CHMP5: variants seen among roughly 807,000 people sequenced by gnomAD.
CHMP5 encodes the protein SNF7 domain containing 2.
A neutral mutation model predicts 33.0 loss-of-function variants in CHMP5; 17 were observed. The observed-to-expected ratio is 0.52, with a 90% CI of 0.35 to 0.77. CHMP5 has a LOEUF of 0.77. Ranked by LOEUF, CHMP5 falls within the 30% of genes least tolerant of loss-of-function variation. The pLI is 0.01. For synonymous variants in CHMP5, 76 were observed against 90.2 expected (o/e 0.84, Z 0.89); for missense variants, 216 against 261.5 (o/e 0.83, Z 1.20).
At chr9:33,280,517 C>T (rs1006151543) in intron 7 of CHMP5, among the ~76,000 whole-genome samples, 2 of 152,174 alleles carry the variant, frequency 1.3e-5, no homozygotes, top group South Asian at 2.1e-4. Flanking sequence ...CTTTTTGACT[C>T]TCCCAGCCTC....
intron 5 of CHMP5, among the ~76,000 whole-genome samples, chr9:33,276,186 T>G (rs547220592): frequency 5.3e-5 from 8 of 152,282 alleles, no homozygotes; most frequent in African/African-American, 1.9e-4. Context: ...CTCTCATACT[T>G]TTAATTAGAA....
intron 1 of CHMP5, 111 bp from the exon 2 acceptor site, chr9:33,265,899 C>T: frequency 1.6e-6 from 1 of 613,770 alleles, no homozygotes; most frequent in Non-Finnish European, 2.9e-6. Flanking sequence ...TGTTTTTCAC[C>T]CTTCCCCTTA....
chr9:33,268,163 G>A (rs959900490), intron 3 of CHMP5, among the ~76,000 whole-genome samples: 4 of 152,236 alleles, frequency 2.6e-5, no homozygotes, highest in Non-Finnish European at 4.4e-5. Flanking sequence ...TTGAGCACTT[G>A]AAATGTGGCT....
intron 7 of CHMP5, among the ~76,000 whole-genome samples, chr9:33,280,357 T>C (rs1331711702): frequency 1.3e-5 from 2 of 152,232 alleles, no homozygotes; most frequent in South Asian, 2.1e-4. Flanking sequence ...TTGATAGTGA[T>C]GTCGCTGCCT....
At chr9:33,265,520 G>C (rs1820703707) in intron 1 of CHMP5, among the ~76,000 whole-genome samples, 1 of 152,040 alleles carries the variant, frequency 6.6e-6, no homozygotes, top group South Asian at 2.1e-4. Context: ...TCCACATCAG[G>C]ACTCAGCTTG....
At chr9:33,272,757 G>A (rs969490004) in intron 5 of CHMP5, among the ~76,000 whole-genome samples, 6 of 151,830 alleles carry the variant, frequency 4.0e-5, no homozygotes, top group Admixed American at 6.6e-5. Flanking sequence ...CCAAGATTGC[G>A]CCACTGCACT....
chr9:33,280,899 A>G lies in CHMP5; in HGVS notation c.*40A>G. The G allele has an allele frequency of 1.3e-6, 2 of 1,506,706 alleles. No homozygotes were observed. The highest frequency in any genetic ancestry group is 1.2e-5 in the South Asian group (1 of 82,694). 93.3% of individuals were successfully genotyped at this position (1,506,706 alleles called of 1,614,324 possible). A position where few individuals can be genotyped will look rare whatever the true frequency, so the allele number is the denominator to read the frequency against. ...AGCATATCTTGTAAAACAAACACAT[A>G]TTATGGGACTAGGAAATATTTATCT... On this transcript the variant is annotated 3_prime_UTR_variant, in exon 8 of 8. Transcript: ENST00000223500.
At position 33,266,006 on chromosome 9, in the gene CHMP5, T is replaced by G. The variant is rs1012496077; in HGVS notation, c.70-4T>G. Reference sequence around the variant, plus strand: ...TACCAGTGCATTTGATATTTTCCCCTAAGGTGGACAGTAGAGCAGAATCCA... The same window carrying G: ...TACCAGTGCATTTGATATTTTCCCCGAAGGTGGACAGTAGAGCAGAATCCA... On this transcript the variant is annotated splice_region_variant and splice_polypyrimidine_tract_variant and intron_variant, in intron 1 of 7. Coordinates refer to ENST00000223500, the MANE Select transcript of CHMP5 (RefSeq NM_016410.6). 1.2e-6 allele frequency: 2 copies of G among 1,601,568 alleles called. No individual in the cohort carries two copies. The highest frequency in any genetic ancestry group is 3.3e-5 in the Admixed American group (2 of 59,934).
intron 5 of CHMP5, among the ~76,000 whole-genome samples, chr9:33,273,081 T>C (rs1179669156): frequency 6.6e-6 from 1 of 152,146 alleles, no homozygotes; most frequent in African/African-American, 2.4e-5. Context: ...GCAATTCTCC[T>C]GCCTCAGCCT....
Position 33,278,169 on chromosome 9 carries a change from G to A in CHMP5, c.553G>A (p.Glu185Lys), listed in dbSNP as rs1159274829. The change falls in exon 7 of 8, where the codon GAG (glutamate) becomes AAG (lysine). Residue 185 changes from glutamate (E) to lysine (K), a missense_variant. Physicochemically the swap from Glu to Lys is moderately conservative, Grantham distance 56. Coordinates refer to ENST00000223500, the MANE Select transcript of CHMP5 (RefSeq NM_016410.6). Reference sequence around the variant, plus strand: ...TGATGAAGACAGTTCTTATTTGGATGAGGCAGCATCTGCACCTGCAATTCC... The same window carrying A: ...TGATGAAGACAGTTCTTATTTGGATAAGGCAGCATCTGCACCTGCAATTCC... ...LADEDSSYLD[E>K]AASAPAIPEG... The A allele has an allele frequency of 6.2e-7, 1 of 1,613,602 alleles. No homozygotes were observed. The highest frequency in any genetic ancestry group is 1.1e-5 in the South Asian group (1 of 90,974).
rs377091208 is a variant in CHMP5 at position 33,276,452 on chromosome 9, G to A, written c.388-4G>A. The A allele has an allele frequency of 4.2e-5, 64 of 1,536,300 alleles. 1 individual carries two copies. The South Asian group carries it at 5.9e-4, about 14-fold the overall frequency. Reference sequence around the variant, plus strand: ...AGAAAATCCTCTCATATATATTTCCGTAGGATTTACAAGACCAGCTAGAGG... The same window carrying A: ...AGAAAATCCTCTCATATATATTTCCATAGGATTTACAAGACCAGCTAGAGG... On this transcript the variant is annotated splice_region_variant and splice_polypyrimidine_tract_variant and intron_variant, in intron 5 of 7. Coordinates refer to ENST00000223500, the MANE Select transcript of CHMP5 (RefSeq NM_016410.6).
chr9:33,278,332 A>T (rs1313103985), intron 7 of CHMP5, 107 bp downstream of exon 7: 1 of 705,184 alleles, frequency 1.4e-6, no homozygotes, highest in East Asian at 2.8e-5. Flanking sequence ...ACAAAGAAAG[A>T]CAGTCCTGGT....
At chr9:33,276,308 G>T (rs1331621619) in intron 5 of CHMP5, 148 bp from the exon 6 acceptor site, 5 of 557,820 alleles carry the variant, frequency 9.0e-6, no homozygotes, top group East Asian at 3.0e-5. Flanking sequence ...ACTAACAGTT[G>T]TTGAGAACTG....
At chr9:33,275,285 G>A (rs555588603) in intron 5 of CHMP5, among the ~76,000 whole-genome samples, 29 of 152,302 alleles carry the variant, frequency 1.9e-4, no homozygotes, top group Admixed American at 5.9e-4. Context: ...AATCCCTTGC[G>A]TGTACCAAGG....
intron 5 of CHMP5, 21 bp from the exon 6 acceptor site, chr9:33,276,432 ATCC>A (rs770398762): frequency 7.6e-7 from 1 of 1,311,880 alleles, no homozygotes; most frequent in African/African-American, 1.5e-5. Context: ...ATGAGAGAAA[ATCC>A]TCTCATATAT....
chr9:33,272,472 C>T (rs1820806181), intron 5 of CHMP5, among the ~76,000 whole-genome samples: 1 of 151,766 alleles, frequency 6.6e-6, no homozygotes, highest in Admixed American at 6.6e-5. Context: ...ATTTTATTGC[C>T]TCTGCAAAGA....
At chr9:33,269,178 A>G (rs1417077035) in intron 3 of CHMP5, among the ~76,000 whole-genome samples, 1 of 152,244 alleles carries the variant, frequency 6.6e-6, no homozygotes, top group Admixed American at 6.5e-5. Context: ...ACATTAGGTC[A>G]GATGGATTAC....
intron 7 of CHMP5, 151 bp from the exon 8 acceptor site, chr9:33,280,658 A>T (rs1820911179): frequency 1.7e-6 from 1 of 598,482 alleles, no homozygotes; most frequent in Non-Finnish European, 2.8e-6. Context: ...TTTACCTTTC[A>T]TGAAAAAGCT....
intron 2 of CHMP5, among the ~76,000 whole-genome samples, chr9:33,267,367 A>G (rs2118012364): frequency 6.6e-6 from 1 of 152,348 alleles, no homozygotes; most frequent in South Asian, 2.1e-4. Context: ...ATCAGCTAAC[A>G]GGATGACTGT....
Sources: gnomAD v4.1 joint callset for allele counts (sites outside exome capture counted in the v4.1 genomes callset) on GRCh38, gnomAD v4.1.1 for gene constraint, MANE v1.5 for transcripts, NCBI Gene and HGNC (gene_info 2026-07-23, HGNC 2026-07-21) for gene names.